The following SLC18A1 variants were observed in gnomAD, a reference collection of about 807,000 sequenced individuals.
SLC18A1 encodes the protein solute carrier family 18 member A1, also known as chromaffin granule amine transporter.
SLC18A1 carries 69 observed loss-of-function variants against 53.7 expected under a neutral mutation model. The ratio of observed to expected loss-of-function variants is 1.28; its 90% CI spans 1.06 to 1.57. The LOEUF (loss-of-function observed/expected upper bound fraction) is 1.57, where lower values mean the gene tolerates loss of function less well. Ranked by LOEUF, SLC18A1 falls within the 40% of genes most tolerant of loss-of-function variation. The pLI is 0.00. For missense variants in SLC18A1, 932 were observed against 668.1 expected (o/e 1.40, Z -4.35); for synonymous variants, 320 against 248.1 (o/e 1.29, Z -2.72).
At chr8:20,166,140 G>A (rs1362625823) in intron 8 of SLC18A1, among the ~76,000 whole-genome samples, 1 of 151,584 alleles carries the variant, frequency 6.6e-6, no homozygotes, top group East Asian at 1.9e-4. Flanking sequence ...AAAGATTAAT[G>A]ACAACATTAT....
Position 20,171,514 on chromosome 8 carries a change from A to G in SLC18A1, c.725-20T>C, listed in dbSNP as rs1462981961. Reference sequence around the variant, plus strand: ...CTCCCACTGGAGAGGCATAGGAGACACAGATTCCAGAGGTGAGGGTGAGTC... The same window carrying G: ...CTCCCACTGGAGAGGCATAGGAGACGCAGATTCCAGAGGTGAGGGTGAGTC... On this transcript the variant is annotated intron_variant, in intron 6 of 15. Coordinates refer to ENST00000276373, the MANE Select transcript of SLC18A1 (RefSeq NM_003053.4). The G allele has an allele frequency of 1.3e-6, 2 of 1,592,718 alleles. No homozygotes were observed. The highest frequency in any genetic ancestry group is 1.1e-5 in the South Asian group (1 of 90,648).
intron 5 of SLC18A1, 125 bp from the exon 6 acceptor site, chr8:20,173,253 T>C: frequency 1.4e-6 from 1 of 698,024 alleles, no homozygotes; most frequent in Non-Finnish European, 2.4e-6. Context: ...TTGAGGGGTT[T>C]TACAAAACTT....
At chr8:20,169,750 G>A (rs930337500) in intron 8 of SLC18A1, among the ~76,000 whole-genome samples, 10 of 152,100 alleles carry the variant, frequency 6.6e-5, no homozygotes, top group Admixed American at 2.0e-4. Flanking sequence ...ATGGTGGTGC[G>A]TGCTTGTAAT....
chr8:20,178,144 A>ACACACACACG (rs1219172879), intron 4 of SLC18A1, among the ~76,000 whole-genome samples: 3 of 151,738 alleles, frequency 2.0e-5, no homozygotes, highest in Non-Finnish European at 4.4e-5. Context: ...ACACACACAC[A>ACACACACACG]CACACACCCC....
chr8:20,159,905 AC>A (rs1199353702), intron 10 of SLC18A1, among the ~76,000 whole-genome samples: 3 of 151,870 alleles, frequency 2.0e-5, no homozygotes, highest in Non-Finnish European at 4.4e-5. Context: ...ACTATGCCAC[AC>A]CCCCAGCGTG....
intron 8 of SLC18A1, among the ~76,000 whole-genome samples, chr8:20,166,289 CTATATATATATATA>C (rs1181101416): frequency 9.3e-6 from 1 of 107,256 alleles, no homozygotes; most frequent in African/African-American, 3.4e-5. Context: ...GTGTGTGTGT[CTATATATATATATA>C]TATATATATA....
chr8:20,179,735 C>T lies in SLC18A1; in HGVS notation c.125-251G>A, dbSNP rs116255976. ...AAAAGACTGTGCCTGCCCAAGTTAT[C>T]CTATTAGCTAAAGTAGCTAAATTCT... On this transcript the variant is annotated intron_variant, in intron 2 of 15. Coordinates refer to ENST00000276373, the MANE Select transcript of SLC18A1 (RefSeq NM_003053.4). Among the ~76,000 whole-genome samples the T allele has an allele frequency of 4.1e-3, 620 of 152,334 alleles. 6 individuals carry two copies. The highest frequency in any genetic ancestry group is 0.014 in the African/African-American group (592 of 41,576).
intron 10 of SLC18A1, among the ~76,000 whole-genome samples, chr8:20,152,546 G>T (rs1044782006): frequency 6.6e-6 from 1 of 152,152 alleles, no homozygotes; most frequent in Admixed American, 6.6e-5. Context: ...GGATAACCTA[G>T]GTTTTTGTCT....
intron 12 of SLC18A1, 87 bp downstream of exon 12, chr8:20,149,589 C>CTCTCTCTCTCT: frequency 1.3e-6 from 1 of 790,170 alleles, no homozygotes; most frequent in Non-Finnish European, 2.0e-6. Context: ...TCTCTCTCTC[C>CTCTCTCTCTCT]CTCTCTCTCT....
intron 13 of SLC18A1, 36 bp from the exon 14 acceptor site, chr8:20,147,758 C>A: frequency 6.2e-7 from 1 of 1,603,922 alleles, no homozygotes; most frequent in Non-Finnish European, 8.5e-7. Flanking sequence ...GTCAGCCCCA[C>A]CCACAGTTAG....
chr8:20,176,350 G>T (rs1484974315), intron 4 of SLC18A1, among the ~76,000 whole-genome samples: 2 of 152,150 alleles, frequency 1.3e-5, no homozygotes, highest in Admixed American at 6.5e-5. Flanking sequence ...GCCCGCACCA[G>T]AAGCAGATGC....
intron 8 of SLC18A1, among the ~76,000 whole-genome samples, chr8:20,170,261 A>G (rs2072078849): frequency 6.6e-6 from 1 of 152,184 alleles, no homozygotes; most frequent in Non-Finnish European, 1.5e-5. Context: ...CATAGTTTCA[A>G]ATTCTTTCAG....
chr8:20,171,686 G>GTGTGTT (rs766625791), intron 6 of SLC18A1, among the ~76,000 whole-genome samples, 192 bp from the exon 7 acceptor site: 23 of 144,268 alleles, frequency 1.6e-4, no homozygotes, highest in Middle Eastern at 3.8e-3. Context: ...GAGGAAGTGT[G>GTGTGTT]TGTGTGTGTG....
chr8:20,156,159 T>C (rs994772316), intron 10 of SLC18A1, among the ~76,000 whole-genome samples: 3 of 152,100 alleles, frequency 2.0e-5, no homozygotes, highest in Non-Finnish European at 4.4e-5. Flanking sequence ...ATTCAATCTG[T>C]AGTGGCAACT....
intron 10 of SLC18A1, among the ~76,000 whole-genome samples, chr8:20,158,030 C>T (rs7009166): frequency 0.018 from 2,743 of 152,322 alleles, 82 homozygotes; most frequent in African/African-American, 0.061. Flanking sequence ...TCCCAGGGGA[C>T]GAAGGTCCTC....
At chr8:20,146,054 T>G (rs1563714358) in intron 15 of SLC18A1, among the ~76,000 whole-genome samples, 178 bp from the exon 16 acceptor site, 1 of 152,082 alleles carries the variant, frequency 6.6e-6, no homozygotes, top group Non-Finnish European at 1.5e-5. Flanking sequence ...TAGCTGGAAC[T>G]ACAGGCGCCC....
rs17222092 is a variant in SLC18A1, at chr8:20,178,490, A to C, written c.492T>G (p.Ile164Met). Residue 164 changes from isoleucine (I) to methionine (M), a missense_variant, in exon 4 of 16, where the codon ATT (isoleucine) becomes ATG (methionine). Physicochemically the swap from Ile to Met is conservative, Grantham distance 10. Coordinates refer to ENST00000276373, the MANE Select transcript of SLC18A1 (RefSeq NM_003053.4). The part of the protein sequence containing the change: ...NPFVGPLTNR[I>M]GYHIPMFAGF... ...CAGCAAACATGGGGATATGATATCC[A>C]ATCCTAAAAGGGAATTGAAAAAAAA... The C allele has an allele frequency of 3.0e-4, 474 of 1,605,276 alleles. 2 individuals are homozygous for C. The African/African-American group carries it at 5.5e-3, about 19-fold the overall frequency.
Position 20,176,787 on chromosome 8 carries a change from G to C in SLC18A1, c.547+1648C>G, listed in dbSNP as rs375067822. 1.5e-4 allele frequency among the ~76,000 whole-genome samples: 23 copies of C among 152,082 alleles called. No homozygotes were observed. In the East Asian group the frequency reaches 4.1e-3, roughly 27 times the overall value. On this transcript the variant is annotated intron_variant, in intron 4 of 15. Transcript: ENST00000276373. ...AATAATTATTTAACATATATAGTTT[G>C]GTATAAGTTAAACAATAATTACTTA... is the stretch of plus-strand genomic sequence containing the variant.
intron 10 of SLC18A1, among the ~76,000 whole-genome samples, chr8:20,157,660 A>G (rs2071717093): frequency 6.6e-6 from 1 of 152,228 alleles, no homozygotes; most frequent in African/African-American, 2.4e-5. Flanking sequence ...TTAAAAGATA[A>G]GTTTATCACT....
Sources: gnomAD v4.1 joint callset for allele counts (sites outside exome capture counted in the v4.1 genomes callset) on GRCh38, gnomAD v4.1.1 for gene constraint, MANE v1.5 for transcripts, NCBI Gene and HGNC (gene_info 2026-07-23, HGNC 2026-07-21) for gene names.